Variants in ARHGAP28 observed in about 807,000 individuals in gnomAD.
The protein encoded by ARHGAP28 is Rho GTPase activating protein 28.
A neutral mutation model predicts 90.7 loss-of-function variants in ARHGAP28; 56 were observed. The ratio of observed to expected loss-of-function variants is 0.62; its 90% CI spans 0.50 to 0.77. ARHGAP28 has a LOEUF of 0.77. Among genes scored for constraint, ARHGAP28 ranks in the 30% least tolerant of loss-of-function variants. ARHGAP28 has a pLI of 0.00. For missense variants in ARHGAP28, 869 were observed against 900.9 expected (o/e 0.96, Z 0.45); for synonymous variants, 308 against 323.3 (o/e 0.95, Z 0.51).
At chr18:6,850,942 A>C in intron 3 of ARHGAP28, 92 bp from the exon 4 acceptor site, 1 of 1,561,474 alleles carries the variant, frequency 6.4e-7, no homozygotes, top group Non-Finnish European at 8.7e-7. Flanking sequence ...CTGTACATAT[A>C]TATAAAAACT....
intron 1 of ARHGAP28, among the ~76,000 whole-genome samples, chr18:6,763,048 T>G (rs1249557103): frequency 1.3e-5 from 2 of 152,090 alleles, no homozygotes; most frequent in Non-Finnish European, 2.9e-5. Context: ...TATCATCCCA[T>G]TTAATTTTCA....
chr18:6,839,591 C>T (rs903259632), intron 3 of ARHGAP28, among the ~76,000 whole-genome samples: 15 of 152,280 alleles, frequency 9.9e-5, no homozygotes, highest in Admixed American at 5.2e-4. Flanking sequence ...GCCACTGCGC[C>T]CGGCCATAAT....
At chr18:6,809,302 T>C (rs912673559) in intron 1 of ARHGAP28, among the ~76,000 whole-genome samples, 1 of 152,162 alleles carries the variant, frequency 6.6e-6, no homozygotes, top group African/African-American at 2.4e-5. Context: ...AAATTCACTT[T>C]ATATATTTTT....
intron 1 of ARHGAP28, among the ~76,000 whole-genome samples, chr18:6,739,527 A>G (rs1021619409): frequency 6.6e-6 from 1 of 150,798 alleles, no homozygotes; most frequent in Non-Finnish European, 1.5e-5. Context: ...TTAAGAATAT[A>G]TATATAAACA....
At chr18:6,863,721 T>C (rs1304467657) in intron 5 of ARHGAP28, among the ~76,000 whole-genome samples, 1 of 151,534 alleles carries the variant, frequency 6.6e-6, no homozygotes, top group Non-Finnish European at 1.5e-5. Context: ...ATTTTTGATA[T>C]ATTTAATAAT....
intron 17 of ARHGAP28, among the ~76,000 whole-genome samples, chr18:6,911,393 TTATATGCTAA>T (rs11278258): frequency 0.81 from 122,953 of 151,596 alleles, 50,168 homozygotes; most frequent in Non-Finnish European, 0.86. Context: ...AATGATGAGT[TTATATGCTAA>T]TATACCTGAA....
At chr18:6,730,717 A>C (rs9952482) in intron 1 of ARHGAP28, among the ~76,000 whole-genome samples, 80,453 of 151,386 alleles carry the variant, frequency 0.53, 21,528 homozygotes, top group South Asian at 0.71. Flanking sequence ...GGTAGACAAA[A>C]GTATTATGAT....
intron 1 of ARHGAP28, among the ~76,000 whole-genome samples, chr18:6,748,750 CAT>C (rs529731596): frequency 4.6e-5 from 7 of 152,310 alleles, no homozygotes; most frequent in South Asian, 2.1e-4. Flanking sequence ...GTATTTCCCA[CAT>C]GTTTACTGGA....
chr18:6,836,386 CA>C (rs2056753838), intron 2 of ARHGAP28, among the ~76,000 whole-genome samples: 1 of 152,086 alleles, frequency 6.6e-6, no homozygotes, highest in African/African-American at 2.4e-5. Flanking sequence ...AAGCATTACC[CA>C]AGCAGGTTTC....
At position 6,824,796 on chromosome 18, in the gene ARHGAP28, A is replaced by C; in HGVS notation, c.157A>C (p.Met53Leu). 6.5e-7 allele frequency: 1 copy of C among 1,535,994 alleles called. No individual in the cohort carries two copies. Among genetic ancestry groups the C allele is most frequent in the Non-Finnish European group, 8.7e-7 (1 of 1,146,744 alleles). ...TCCTCGCTGCCGAAGAATTAACAGG[A>C]TGCTCTCCAATGAATCCCTCCATCC... Reference protein sequence around the residue: ...SIPRCRRINRMLSNESLHPPA... With the variant: ...SIPRCRRINRLLSNESLHPPA... Residue 53 changes from methionine to leucine, a missense_variant, in exon 2 of 18, where the codon ATG becomes CTG. By Grantham distance (15) the Met-to-Leu change is conservative (BLOSUM62 2). Transcript: ENST00000383472.
intron 3 of ARHGAP28, among the ~76,000 whole-genome samples, chr18:6,850,221 C>T (rs2056898921): frequency 6.6e-6 from 1 of 152,090 alleles, no homozygotes; most frequent in Admixed American, 6.6e-5. Context: ...TCTCAGATCT[C>T]TCTAAAATTA....
chr18:6,796,264 C>T (rs1472181378), intron 1 of ARHGAP28, among the ~76,000 whole-genome samples: 5 of 152,130 alleles, frequency 3.3e-5, no homozygotes, highest in Non-Finnish European at 5.9e-5. Context: ...AAAATATATA[C>T]ACATCTATAC....
intron 1 of ARHGAP28, among the ~76,000 whole-genome samples, chr18:6,735,390 T>C (rs1251435297): frequency 6.6e-6 from 1 of 152,222 alleles, no homozygotes; most frequent in East Asian, 1.9e-4. Flanking sequence ...TAGAATTGAA[T>C]GTGGGACTCC....
At chr18:6,900,319 C>T (rs1186823474) in intron 16 of ARHGAP28, among the ~76,000 whole-genome samples, 2 of 152,096 alleles carry the variant, frequency 1.3e-5, no homozygotes, top group African/African-American at 2.4e-5. Flanking sequence ...AAACAAACCA[C>T]GAAGTCAACA....
chr18:6,839,476 T>C (rs1018466936), intron 3 of ARHGAP28, among the ~76,000 whole-genome samples: 17 of 151,988 alleles, frequency 1.1e-4, no homozygotes, highest in African/African-American at 4.1e-4. Flanking sequence ...TTTTTCTATT[T>C]GTAGTAGAGA....
chr18:6,762,928 C>T (rs1174337678), intron 1 of ARHGAP28, among the ~76,000 whole-genome samples: 2 of 152,172 alleles, frequency 1.3e-5, no homozygotes, highest in Non-Finnish European at 2.9e-5. Flanking sequence ...TTCCCTGCTT[C>T]AGGACTGAGC....
At chr18:6,775,005 A>T (rs2056272534) in intron 1 of ARHGAP28, among the ~76,000 whole-genome samples, 1 of 152,210 alleles carries the variant, frequency 6.6e-6, no homozygotes, top group Non-Finnish European at 1.5e-5. Flanking sequence ...TAGTCTGATC[A>T]ATAGCACGCA....
intron 1 of ARHGAP28, among the ~76,000 whole-genome samples, chr18:6,736,080 T>G (rs2055924763): frequency 6.6e-6 from 1 of 152,226 alleles, no homozygotes; most frequent in African/African-American, 2.4e-5. Context: ...AAATATCCTT[T>G]TTCTCCTTAA....
chr18:6,825,261 A>G (rs960001965), intron 2 of ARHGAP28, among the ~76,000 whole-genome samples: 1 of 152,110 alleles, frequency 6.6e-6, no homozygotes, highest in Admixed American at 6.5e-5. Flanking sequence ...ATTCATTACC[A>G]TCAAGGAGAT....
Sources: allele counts gnomAD v4.1 joint callset (sites outside exome capture counted in the v4.1 genomes callset), GRCh38; gene constraint gnomAD v4.1.1; transcripts MANE v1.5; gene names NCBI Gene and HGNC (gene_info 2026-07-23, HGNC 2026-07-21).